CAST: variants seen among roughly 807,000 people sequenced by gnomAD.
The protein encoded by CAST is calpastatin.
In CAST, 76 loss-of-function variants were observed where a neutral mutation model predicts 119.6. That is an observed-to-expected ratio of 0.64 (90% CI 0.53 to 0.77). CAST has a LOEUF of 0.77. Ranked by LOEUF, CAST falls within the 30% of genes least tolerant of loss-of-function variation. CAST has a pLI of 0.00. For synonymous variants in CAST, 319 were observed against 331.6 expected (o/e 0.96, Z 0.41); for missense variants, 953 against 946.5 (o/e 1.01, Z -0.09).
At chr5:96,511,997 G>A in the CAST span, among the ~76,000 whole-genome samples, 1 of 152,210 alleles carries the variant, frequency 6.6e-6, no homozygotes, top group Non-Finnish European at 1.5e-5. Flanking sequence ...TCCCATTTGA[G>A]TATGTGTTCA....
At chr5:96,445,811 G>A in the CAST span, among the ~76,000 whole-genome samples, 1 of 152,136 alleles carries the variant, frequency 6.6e-6, no homozygotes, top group African/African-American at 2.4e-5. Context: ...GGGTAAACCC[G>A]GGGGTAATGG....
At chr5:96,056,408 A>G in the CAST span, among the ~76,000 whole-genome samples, 1 of 152,152 alleles carries the variant, frequency 6.6e-6, no homozygotes, top group African/African-American at 2.4e-5. Flanking sequence ...AAGGAACTGA[A>G]GGGCTATTTA....
chr5:96,737,270 C>G (rs1391041476), intron 10 of CAST, among the ~76,000 whole-genome samples: 1 of 151,956 alleles, frequency 6.6e-6, no homozygotes, highest in Admixed American at 6.6e-5. Context: ...AGTTTAATGT[C>G]TCAGGTAATT....
At chr5:96,109,045 C>A in the CAST span, among the ~76,000 whole-genome samples, 4 of 152,254 alleles carry the variant, frequency 2.6e-5, no homozygotes, top group African/African-American at 7.2e-5. Context: ...TGACCCCTTG[C>A]GCTTTCTGAG....
At chr5:96,733,591 G>A (rs6875109) in intron 9 of CAST, among the ~76,000 whole-genome samples, 13,201 of 152,222 alleles carry the variant, frequency 0.087, 665 homozygotes, top group African/African-American at 0.14. Context: ...CCATTAAATA[G>A]GATTTAATGA....
At chr5:96,263,035 G>A in the CAST span, among the ~76,000 whole-genome samples, 3 of 152,246 alleles carry the variant, frequency 2.0e-5, no homozygotes, top group East Asian at 5.8e-4. Flanking sequence ...TAATCCTCTA[G>A]GCAGTAGTTC....
chr5:96,082,838 A>G, the CAST span, among the ~76,000 whole-genome samples: 2 of 152,220 alleles, frequency 1.3e-5, no homozygotes, highest in African/African-American at 4.8e-5. Context: ...TTAAAATCAG[A>G]AAAAGGCAAG....
the CAST span, among the ~76,000 whole-genome samples, chr5:96,348,675 G>A: frequency 6.6e-6 from 1 of 152,096 alleles, no homozygotes; most frequent in African/African-American, 2.4e-5. Context: ...TGAGGATGGT[G>A]GACAGTGTCT....
At chr5:96,547,897 C>T (rs1403751573) in intron 1 of CAST, among the ~76,000 whole-genome samples, 1 of 152,150 alleles carries the variant, frequency 6.6e-6, no homozygotes, top group Non-Finnish European at 1.5e-5. Flanking sequence ...GAAGAAAGTT[C>T]CAAGGTCTGA....
At chr5:95,974,103 C>T in the CAST span, among the ~76,000 whole-genome samples, 1 of 152,122 alleles carries the variant, frequency 6.6e-6, no homozygotes, top group Non-Finnish European at 1.5e-5. Flanking sequence ...AAGGGGCTTT[C>T]CAGGGAGCTA....
chr5:96,420,321 T>A, the CAST span, among the ~76,000 whole-genome samples: 1 of 152,214 alleles, frequency 6.6e-6, no homozygotes, highest in Non-Finnish European at 1.5e-5. Context: ...AAAGAGTAGA[T>A]GTCCTTACTG....
At chr5:96,741,051 AT>A in intron 13 of CAST, 1 of 595,914 alleles carries the variant, frequency 1.7e-6, no homozygotes, top group Non-Finnish European at 3.0e-6. Flanking sequence ...TAGAATGAGA[AT>A]GTAACTCCTT....
chr5:96,218,166 G>A, the CAST span, among the ~76,000 whole-genome samples: 706 of 152,230 alleles, frequency 4.6e-3, 4 homozygotes, highest in Non-Finnish European at 7.4e-3. Flanking sequence ...GATGCTATGT[G>A]ACTCACACTA....
the CAST span, among the ~76,000 whole-genome samples, chr5:96,152,522 A>T: frequency 6.6e-6 from 1 of 152,138 alleles, no homozygotes; most frequent in East Asian, 1.9e-4. Flanking sequence ...CTTTCAGGGA[A>T]CTCTGTCCGG....
the CAST span, among the ~76,000 whole-genome samples, chr5:96,190,646 C>A: frequency 1.3e-5 from 2 of 152,172 alleles, no homozygotes; most frequent in South Asian, 4.1e-4. Context: ...TTGCGGCAAC[C>A]TGTGTCCTCA....
the CAST span, among the ~76,000 whole-genome samples, chr5:96,048,793 T>C: frequency 3.3e-5 from 5 of 152,218 alleles, no homozygotes; most frequent in African/African-American, 1.2e-4. Flanking sequence ...AGAGTCTTTT[T>C]TCCCCTTTAG....
At chr5:96,316,001 A>C in the CAST span, among the ~76,000 whole-genome samples, 1,160 of 152,276 alleles carry the variant, frequency 7.6e-3, 12 homozygotes, top group African/African-American at 0.027. Flanking sequence ...GAACTCCTTC[A>C]AGCCACGCAG....
At chr5:96,103,535 A>C in the CAST span, among the ~76,000 whole-genome samples, 1,732 of 150,372 alleles carry the variant, frequency 0.012, 24 homozygotes, top group African/African-American at 0.033. Flanking sequence ...TGAACTCATC[A>C]TTTTTTATGG....
the CAST span, among the ~76,000 whole-genome samples, chr5:96,405,538 G>A: frequency 5.9e-5 from 9 of 152,260 alleles, no homozygotes; most frequent in Middle Eastern, 6.8e-3. Context: ...AGGCATGGTG[G>A]CACATGCCTG....
Sources: gnomAD v4.1 joint callset for allele counts (sites outside exome capture counted in the v4.1 genomes callset) on GRCh38, gnomAD v4.1.1 for gene constraint, MANE v1.5 for transcripts, NCBI Gene and HGNC (gene_info 2026-07-23, HGNC 2026-07-21) for gene names.